Variants in FOXJ3 observed in about 807,000 individuals in gnomAD.
FOXJ3 encodes forkhead box protein J3.
In FOXJ3, 22 loss-of-function variants were observed where a neutral mutation model predicts 76.1. That is an observed-to-expected ratio of 0.29 (90% CI 0.21 to 0.41). The LOEUF is 0.41. Ranked by LOEUF, FOXJ3 falls within the 10% of genes least tolerant of loss-of-function variation. FOXJ3 has a pLI of 1.00. For missense variants in FOXJ3, 613 were observed against 762.1 expected, an observed-to-expected ratio of 0.80 and a Z score of 2.30; for synonymous variants, 269 against 261.2, an observed-to-expected ratio of 1.03 and a Z score of -0.29.
chr1:42,318,301 A>C (rs1339562267), intron 1 of FOXJ3, among the ~76,000 whole-genome samples: 3 of 152,222 alleles, frequency 2.0e-5, no homozygotes, highest in African/African-American at 7.2e-5. Flanking sequence ...TGTCCAATAA[A>C]TACATGAAAA....
intron 4 of FOXJ3, among the ~76,000 whole-genome samples, chr1:42,245,260 A>G (rs1570026804): frequency 6.6e-6 from 1 of 152,072 alleles, no homozygotes; most frequent in Non-Finnish European, 1.5e-5. Context: ...ATAAAGAACT[A>G]ACCCAATTCC....
At chr1:42,270,184 A>G (rs1165062195) in intron 3 of FOXJ3, among the ~76,000 whole-genome samples, 2 of 152,086 alleles carry the variant, frequency 1.3e-5, no homozygotes, top group African/African-American at 2.4e-5. Flanking sequence ...ACCTAAATCA[A>G]TCTACTCAGT....
chr1:42,263,393 T>A (rs888675106), intron 4 of FOXJ3, among the ~76,000 whole-genome samples: 1 of 152,164 alleles, frequency 6.6e-6, no homozygotes, highest in Non-Finnish European at 1.5e-5. Flanking sequence ...TAGTAAATAA[T>A]CTCTGAAGTC....
At chr1:42,285,025 A>C (rs1465313145) in intron 2 of FOXJ3, among the ~76,000 whole-genome samples, 1 of 152,222 alleles carries the variant, frequency 6.6e-6, no homozygotes, top group African/African-American at 2.4e-5. Flanking sequence ...ATATATTACT[A>C]TGTCACAAAG....
chr1:42,227,499 G>A (rs997568679), intron 5 of FOXJ3, among the ~76,000 whole-genome samples: 3 of 152,160 alleles, frequency 2.0e-5, no homozygotes, highest in African/African-American at 4.8e-5. Context: ...ACCAGGAAAA[G>A]GTATTTTGAG....
chr1:42,184,654 C>A (rs1271139145), intron 11 of FOXJ3, among the ~76,000 whole-genome samples: 2 of 151,984 alleles, frequency 1.3e-5, no homozygotes, highest in East Asian at 3.9e-4. Context: ...TGGGTAGGGG[C>A]AAACAAAGTA....
chr1:42,324,054 C>T (rs7532291), intron 1 of FOXJ3, among the ~76,000 whole-genome samples: 89,398 of 112,352 alleles, frequency 0.8, 34,475 homozygotes, highest in Admixed American at 0.85. Context: ...ATAGTATATA[C>T]ACTGTATATA....
rs150881466 is a variant in FOXJ3, at chr1:42,279,352, T to G, written c.45-680A>C. Among the ~76,000 whole-genome samples the G allele has an allele frequency of 4.1e-4, 63 of 152,322 alleles. No individual in the cohort carries two copies. The East Asian group carries it at 0.012, about 29-fold the overall frequency. On this transcript the variant is annotated intron_variant, in intron 2 of 12. Transcript: ENST00000361346. ...ATTAAATTAGGCAGTACCAGGGAGT[T>G]ACTTTTTTTAAAAAACAAGTCAAGG...
intron 1 of FOXJ3, among the ~76,000 whole-genome samples, chr1:42,324,102 G>GTATATATAC (rs1557725886): frequency 2.1e-5 from 1 of 48,466 alleles, no homozygotes; most frequent in Non-Finnish European, 4.5e-5. Flanking sequence ...TATATATACT[G>GTATATATAC]TGTATATACA....
intron 1 of FOXJ3, chr1:42,315,487 A>C: frequency 2.8e-6 from 2 of 708,682 alleles, no homozygotes; most frequent in Non-Finnish European, 3.5e-6. Flanking sequence ...TAGTACCTCC[A>C]ATAAGTTACC....
At chr1:42,298,267 C>G (rs1653912116) in intron 2 of FOXJ3, among the ~76,000 whole-genome samples, 1 of 152,152 alleles carries the variant, frequency 6.6e-6, no homozygotes, top group South Asian at 2.1e-4. Flanking sequence ...TATAAATTAC[C>G]CAGTCTCAGG....
At chr1:42,248,730 C>CTTTTTT (rs4019587) in intron 4 of FOXJ3, among the ~76,000 whole-genome samples, 1 of 92,192 alleles carries the variant, frequency 1.1e-5, no homozygotes, top group African/African-American at 4.0e-5. Flanking sequence ...CCTGTTTTTT[C>CTTTTTT]TTTTTTTTTT....
chr1:42,224,858 G>A (rs1647420658), intron 5 of FOXJ3, among the ~76,000 whole-genome samples: 2 of 151,832 alleles, frequency 1.3e-5, no homozygotes, highest in Admixed American at 1.3e-4. Context: ...AGGCTGAAGT[G>A]GGTGGACTGC....
intron 4 of FOXJ3, among the ~76,000 whole-genome samples, chr1:42,237,116 C>A (rs1198484238): frequency 1.3e-5 from 2 of 152,012 alleles, no homozygotes; most frequent in Non-Finnish European, 2.9e-5. Context: ...TGACTCACAC[C>A]TGTAATCCCA....
chr1:42,302,507 C>T lies in FOXJ3; in HGVS notation c.44+8543G>A, dbSNP rs115815313. ...GGGCACAAGCACCAGGTATGGGGGG[C>T]AGGGGAGAGCTGGGGTCCAATGGGC... On this transcript the variant is annotated intron_variant, in intron 2 of 12. Coordinates refer to ENST00000361346, the MANE Select transcript of FOXJ3 (RefSeq NM_014947.5). 4.7e-3 allele frequency among the ~76,000 whole-genome samples: 710 copies of T among 152,286 alleles called. 7 individuals are homozygous for T. Among genetic ancestry groups the T allele is most frequent in the African/African-American group, 0.017 (686 of 41,566 alleles).
At chr1:42,334,014 C>G (rs1018097741) in intron 1 of FOXJ3, 1 of 229,720 alleles carries the variant, frequency 4.4e-6, no homozygotes, top group Non-Finnish European at 7.2e-6. Flanking sequence ...GAGTGAATGG[C>G]TCTAACTCAT....
intron 6 of FOXJ3, among the ~76,000 whole-genome samples, chr1:42,201,018 CTTTCA>C (rs1268891013): frequency 3.3e-5 from 5 of 152,074 alleles, no homozygotes; most frequent in Non-Finnish European, 7.4e-5. Context: ...TAGAGTTCAT[CTTTCA>C]TTTAAGCCAA....
intron 2 of FOXJ3, among the ~76,000 whole-genome samples, chr1:42,293,423 T>A (rs1653571674): frequency 6.6e-6 from 1 of 152,086 alleles, no homozygotes; most frequent in Admixed American, 6.5e-5. Flanking sequence ...ATGCTCAACA[T>A]CACTAGTTAT....
intron 4 of FOXJ3, among the ~76,000 whole-genome samples, chr1:42,241,664 A>G (rs2124524481): frequency 6.6e-6 from 1 of 152,340 alleles, no homozygotes; most frequent in South Asian, 2.1e-4. Flanking sequence ...ACAGCCACTG[A>G]TAACATCAAT....
Sources: gnomAD v4.1 joint callset for allele counts (sites outside exome capture counted in the v4.1 genomes callset) on GRCh38, gnomAD v4.1.1 for gene constraint, MANE v1.5 for transcripts, NCBI Gene and HGNC (gene_info 2026-07-23, HGNC 2026-07-21) for gene names.